Variants in FBXO47 observed in about 807,000 individuals in gnomAD.
The protein encoded by FBXO47 is F-box only protein 47.
FBXO47 carries 34 observed loss-of-function variants against 53.9 expected under a neutral mutation model. That is an observed-to-expected ratio of 0.63 (90% CI 0.48 to 0.84). FBXO47 has a LOEUF of 0.84. Among genes scored for constraint, FBXO47 ranks in the 40% least tolerant of loss-of-function variants. FBXO47 has a pLI of 0.00. For synonymous variants in FBXO47, 165 were observed against 181.6 expected, an observed-to-expected ratio of 0.91 and a Z score of 0.73; for missense variants, 485 against 541.3, an observed-to-expected ratio of 0.90 and a Z score of 1.03.
chr17:38,952,076 C>T (rs1335967602), intron 5 of FBXO47, among the ~76,000 whole-genome samples: 4 of 152,042 alleles, frequency 2.6e-5, no homozygotes, highest in Non-Finnish European at 5.9e-5. Context: ...CCTGTAATCT[C>T]AGTACTTTGG....
intron 6 of FBXO47, among the ~76,000 whole-genome samples, chr17:38,946,121 A>AAT (rs539904272): frequency 9.1e-6 from 1 of 110,066 alleles, no homozygotes; most frequent in Non-Finnish European, 1.7e-5. Flanking sequence ...TACATAAATA[A>AAT]ATATATATAC....
At chr17:38,946,351 A>AATATATATAAATATATAGAT (rs1567716619) in intron 6 of FBXO47, among the ~76,000 whole-genome samples, 4 of 46,268 alleles carry the variant, frequency 8.6e-5, no homozygotes, top group Admixed American at 7.6e-4. Context: ...TAAATATATA[A>AATATATATAAATATATAGAT]ATATATATAA....
intron 1 of FBXO47, among the ~76,000 whole-genome samples, chr17:38,966,800 G>C (rs1906154422): frequency 6.6e-6 from 1 of 152,128 alleles, no homozygotes; most frequent in Non-Finnish European, 1.5e-5. Flanking sequence ...GCAAGCTTTT[G>C]TGAAAATTCT....
At chr17:38,945,226 G>C (rs1371246009) in intron 6 of FBXO47, 90 bp from the exon 7 acceptor site, 4 of 899,912 alleles carry the variant, frequency 4.4e-6, no homozygotes, top group Non-Finnish European at 7.0e-6. Flanking sequence ...TAATCATTAT[G>C]GTTAGTGATA....
In FBXO47 at chr17:38,946,953, A is replaced by AAT. The variant is rs1466795512; in HGVS notation, c.617-1819_617-1818dup. Among the ~76,000 whole-genome samples the AAT allele has an allele frequency of 9.3e-3, 1,117 of 120,576 alleles. 35 individuals are homozygous for AAT. The highest frequency in any genetic ancestry group is 0.034 in the African/African-American group (1,061 of 30,910). The allele number at this position is 120,576 out of a possible 152,430, so 79.1% of individuals were successfully genotyped here. A position where few individuals can be genotyped will look rare whatever the true frequency, so the allele number is the denominator to read the frequency against. On this transcript the variant is annotated intron_variant, in intron 6 of 10. Coordinates refer to ENST00000378079, the MANE Select transcript of FBXO47 (RefSeq NM_001008777.3). ...ATATAAATATATATAAACATATATA[A>AAT]ATATATAAACATATATAAATATATG... is the stretch of plus-strand genomic sequence containing the variant.
At chr17:38,944,221 G>GT (rs1904640378) in intron 7 of FBXO47, among the ~76,000 whole-genome samples, 2 of 150,116 alleles carry the variant, frequency 1.3e-5, no homozygotes, top group Admixed American at 1.3e-4. Flanking sequence ...GTGTGTGTGT[G>GT]TGTGTGTGTG....
intron 3 of FBXO47, among the ~76,000 whole-genome samples, chr17:38,959,583 A>G (rs1489204334): frequency 6.7e-6 from 1 of 149,256 alleles, no homozygotes; most frequent in African/African-American, 2.5e-5. Context: ...CTGCCTCAAA[A>G]AAAAAAAAAA....
At chr17:38,945,703 G>C (rs1904724132) in intron 6 of FBXO47, among the ~76,000 whole-genome samples, 1 of 151,834 alleles carries the variant, frequency 6.6e-6, no homozygotes, top group Non-Finnish European at 1.5e-5. Context: ...TTGGGAGGCT[G>C]AGGCGGGCAG....
chr17:38,957,032 G>T, intron 4 of FBXO47, 145 bp downstream of exon 4: 1 of 522,894 alleles, frequency 1.9e-6, no homozygotes, highest in African/African-American at 1.9e-5. Context: ...CGAAGTACTT[G>T]GTAAAGTATT....
chr17:38,945,186 G>C (rs1040365837), intron 6 of FBXO47, 50 bp from the exon 7 acceptor site: 2 of 1,396,832 alleles, frequency 1.4e-6, no homozygotes, highest in Non-Finnish European at 2.0e-6. Context: ...AGGCTGCTGT[G>C]CATATTGAAT....
chr17:38,944,616 G>A (rs539471907), intron 7 of FBXO47, among the ~76,000 whole-genome samples: 1 of 150,900 alleles, frequency 6.6e-6, no homozygotes, highest in African/African-American at 2.4e-5. Context: ...GCAGGAGAAT[G>A]GTGTGAACCC....
intron 2 of FBXO47, among the ~76,000 whole-genome samples, chr17:38,962,417 A>C (rs1905856680): frequency 6.6e-6 from 1 of 152,092 alleles, no homozygotes; most frequent in Non-Finnish European, 1.5e-5. Context: ...GGAGTTCGAG[A>C]CCAGACTGAT....
At chr17:38,953,344 G>A (rs576164179) in intron 5 of FBXO47, among the ~76,000 whole-genome samples, 1 of 151,064 alleles carries the variant, frequency 6.6e-6, no homozygotes, top group South Asian at 2.1e-4. Flanking sequence ...AATTAATCTG[G>A]CCAGTCGTGG....
chr17:38,946,439 AAT>A (rs1303103579), intron 6 of FBXO47, among the ~76,000 whole-genome samples: 1 of 90,452 alleles, frequency 1.1e-5, no homozygotes, highest in Admixed American at 1.8e-4. Context: ...AATATATATG[AAT>A]ATATATAACT....
rs546585618 is a variant in FBXO47 at position 38,964,892 on chromosome 17, A to G, written c.-26-1841T>C. On this transcript the variant is annotated intron_variant, in intron 1 of 10. Transcript: ENST00000378079. ...CAGTGGCATGACGCGATCTCAGCTC[A>G]CTGCAACCTCCCCCTCCCAGGTTCA... Among the ~76,000 whole-genome samples the G allele has an allele frequency of 5.9e-4, 89 of 152,130 alleles. 1 individual carries two copies. The highest frequency in any genetic ancestry group is 6.8e-3 in the Middle Eastern group (2 of 294).
chr17:38,950,886 G>C (rs1018075087), intron 6 of FBXO47, among the ~76,000 whole-genome samples: 11 of 151,802 alleles, frequency 7.2e-5, no homozygotes, highest in African/African-American at 2.4e-4. Context: ...TTTTACTGTA[G>C]ATGTGTGCCA....
chr17:38,963,709 C>T (rs1451096848), intron 1 of FBXO47, among the ~76,000 whole-genome samples: 1 of 151,930 alleles, frequency 6.6e-6, no homozygotes, highest in East Asian at 1.9e-4. Flanking sequence ...TTACTATTAC[C>T]AATTATGTGC....
intron 6 of FBXO47, among the ~76,000 whole-genome samples, chr17:38,949,472 A>G (rs1359509599): frequency 6.6e-6 from 1 of 151,922 alleles, no homozygotes; most frequent in Admixed American, 6.6e-5. Flanking sequence ...AACAACAACA[A>G]CAAAACCATT....
intron 4 of FBXO47, 55 bp from the exon 5 acceptor site, chr17:38,954,988 T>C: frequency 7.8e-7 from 1 of 1,282,752 alleles, no homozygotes; most frequent in Non-Finnish European, 1.1e-6. Flanking sequence ...AGTTTGACAA[T>C]GGTGGAACAA....
Sources: allele counts gnomAD v4.1 joint callset (sites outside exome capture counted in the v4.1 genomes callset), GRCh38; gene constraint gnomAD v4.1.1; transcripts MANE v1.5; gene names NCBI Gene and HGNC (gene_info 2026-07-23, HGNC 2026-07-21).